CLK1: variants seen among roughly 807,000 people sequenced by gnomAD.
CLK1 encodes CDC like kinase 1.
A neutral mutation model predicts 60.9 loss-of-function variants in CLK1; 40 were observed. The ratio of observed to expected loss-of-function variants is 0.66; its 90% CI spans 0.51 to 0.86. The LOEUF is 0.86. Ranked by LOEUF, CLK1 falls within the 40% of genes least tolerant of loss-of-function variation. The pLI is 0.00. For synonymous variants in CLK1, 203 were observed against 184.4 expected, an observed-to-expected ratio of 1.10 and a Z score of -0.82; for missense variants, 563 against 606.1, an observed-to-expected ratio of 0.93 and a Z score of 0.75.
intron 12 of CLK1, 112 bp downstream of exon 12, chr2:200,853,791 G>A: frequency 1.4e-6 from 1 of 733,878 alleles, no homozygotes; most frequent in Admixed American, 3.0e-5. Context: ...AGTGAGCTGG[G>A]CCAACATCGT....
chr2:200,861,637 T>G (rs765397099), intron 2 of CLK1, 65 bp downstream of exon 2: 4 of 1,582,456 alleles, frequency 2.5e-6, no homozygotes, highest in Non-Finnish European at 3.4e-6. Context: ...GTACTTATTT[T>G]AAGTGATACT....
chr2:200,860,848 T>C (rs2039125889), intron 3 of CLK1: 1 of 1,051,450 alleles, frequency 9.5e-7, no homozygotes, highest in Non-Finnish European at 1.1e-6. Flanking sequence ...CAAAGAAGCA[T>C]ACCTAATCCT....
At chr2:200,858,806 T>C (rs139516891) in intron 5 of CLK1, among the ~76,000 whole-genome samples, 6 of 137,808 alleles carry the variant, frequency 4.4e-5, no homozygotes, top group East Asian at 2.0e-4. Flanking sequence ...GGAAGAACAA[T>C]AACAACAACA....
intron 10 of CLK1, 134 bp from the exon 11 acceptor site, chr2:200,854,829 T>C (rs1450161704): frequency 3.8e-6 from 3 of 792,704 alleles, no homozygotes; most frequent in South Asian, 1.6e-5. Flanking sequence ...ACACGGATAA[T>C]TGCTTATATA....
At chr2:200,864,326 G>A (rs1442284386) in intron 1 of CLK1, 110 of 1,420,322 alleles carry the variant, frequency 7.7e-5, no homozygotes, top group Non-Finnish European at 1.0e-4. Flanking sequence ...CTCCAAGAGG[G>A]CGGCCGGCCT....
intron 1 of CLK1, 200 bp downstream of exon 1, chr2:200,864,364 C>A (rs1361607949): frequency 8.3e-7 from 1 of 1,207,464 alleles, no homozygotes; most frequent in African/African-American, 1.6e-5. Flanking sequence ...CCCCCGCAGG[C>A]CGGATCCGGC....
At chr2:200,856,573 C>A in intron 9 of CLK1, 109 bp downstream of exon 9, 1 of 828,254 alleles carries the variant, frequency 1.2e-6, no homozygotes, top group East Asian at 2.5e-5. Flanking sequence ...GATACTTATC[C>A]CTTAAAGAGA....
In CLK1 at chr2:200,856,672, T is replaced by C; in HGVS notation, c.1057+10A>G. 6.4e-7 allele frequency: 1 copy of C among 1,564,348 alleles called. No homozygotes were observed. The highest frequency in any genetic ancestry group is 2.3e-5 in the East Asian group (1 of 44,366). On this transcript the variant is annotated intron_variant, in intron 9 of 12. Transcript: ENST00000321356. ...AATACAAAGGTTCTCAAAGGACAAT[T>C]AATACTCACCTAAAATAACTTCAGG...
intron 5 of CLK1, among the ~76,000 whole-genome samples, chr2:200,859,181 C>G (rs958239392): frequency 6.7e-6 from 1 of 149,134 alleles, no homozygotes; most frequent in Non-Finnish European, 1.5e-5. Flanking sequence ...GACTCTGTCT[C>G]GAGAAAAAAA....
At chr2:200,862,298 T>G (rs7588976) in intron 1 of CLK1, among the ~76,000 whole-genome samples, 2 of 152,094 alleles carry the variant, frequency 1.3e-5, no homozygotes, top group South Asian at 2.1e-4. Flanking sequence ...CAACTGAAGA[T>G]CCACAAAAAA....
At chr2:200,860,959 T>C in intron 3 of CLK1, 2 of 1,192,012 alleles carry the variant, frequency 1.7e-6, no homozygotes, top group Non-Finnish European at 2.1e-6. Flanking sequence ...TTTTAGAATA[T>C]TTTGTAATAA....
rs1278410479 is a variant in CLK1, at chr2:200,859,731, G to C, written c.497C>G (p.Thr166Ser). 1.9e-6 allele frequency: 3 copies of C among 1,613,234 alleles called. No individual in the cohort carries two copies. Among genetic ancestry groups the C allele is most frequent in the Non-Finnish European group, 2.5e-6 (3 of 1,179,644 alleles). The stretch of plus-strand genomic sequence containing the variant: ...TTTTCCAAAAGCTCCTTCACCTAAA[G>C]TATCAACAATTTCATCTAAAAGAGA... ...VLSARYEIVDTLGEGAFGKVV... is the reference protein window; with the variant it reads ...VLSARYEIVDSLGEGAFGKVV... Residue 166 changes from threonine (T) to serine (S), a missense_variant, in exon 5 of 13, where the codon ACT becomes AGT. Coordinates refer to ENST00000321356, the MANE Select transcript of CLK1 (RefSeq NM_004071.4).
chr2:200,864,159 T>C (rs570134432), intron 1 of CLK1: 1 of 1,550,872 alleles, frequency 6.4e-7, no homozygotes, highest in Non-Finnish European at 8.7e-7. Flanking sequence ...CCCCAGCAAA[T>C]CCCCCCTCAA....
intron 3 of CLK1, chr2:200,860,466 C>T: frequency 8.2e-7 from 1 of 1,224,452 alleles, no homozygotes. Flanking sequence ...AGTGGCAAGG[C>T]AACAAAACAT....
intron 4 of CLK1, 56 bp from the exon 5 acceptor site, chr2:200,859,802 C>A (rs930697295): frequency 1.9e-6 from 3 of 1,602,000 alleles, no homozygotes; most frequent in African/African-American, 2.7e-5. Flanking sequence ...ATGTACTTAT[C>A]ACAATAAATG....
Position 200,853,053 on chromosome 2 carries a change from A to C in CLK1, c.*253T>G. The C allele has an allele frequency of 3.5e-6, 1 of 289,432 alleles. No homozygotes were observed. The allele number at this position is 289,432 out of a possible 1,614,324, so 17.9% of individuals were successfully genotyped here. A position where few individuals can be genotyped will look rare whatever the true frequency, so the allele number is the denominator to read the frequency against. On this transcript the variant is annotated 3_prime_UTR_variant, in exon 13 of 13. Transcript: ENST00000321356. Reference sequence around the variant, plus strand: ...AGAAGTAGGAAGAAAAATGGTACTTAGAACAAACTGTTCAGATACATATCA... The same window carrying C: ...AGAAGTAGGAAGAAAAATGGTACTTCGAACAAACTGTTCAGATACATATCA...
At position 200,860,011 on chromosome 2, in the gene CLK1, TAAAACA is replaced by T. The variant is rs899887195; in HGVS notation, c.481+108_481+113del. On this transcript the variant is annotated intron_variant, in intron 4 of 12. Coordinates refer to ENST00000321356, the MANE Select transcript of CLK1 (RefSeq NM_004071.4). ...CCCCCCACCAAAAGAAATGGAAAAA[TAAAACA>T]AAAACAAAAAAGAGAAAGAAAAAAA... 7.5e-6 allele frequency: 11 copies of T among 1,465,380 alleles called. No homozygotes were observed. In the African/African-American group the frequency reaches 1.0e-4, roughly 13 times the overall value. The allele number at this position is 1,465,380 out of a possible 1,614,324, so 90.8% of individuals were successfully genotyped here. A position where few individuals can be genotyped will look rare whatever the true frequency, so the allele number is the denominator to read the frequency against.
At chr2:200,858,179 C>A in intron 5 of CLK1, 90 bp from the exon 6 acceptor site, 1 of 858,436 alleles carries the variant, frequency 1.2e-6, no homozygotes, top group Non-Finnish European at 2.0e-6. Context: ...ACTACTCTGA[C>A]CCACTGTATT....
chr2:200,863,178 G>A (rs2039169637), intron 1 of CLK1: 1 of 152,112 alleles, frequency 6.6e-6, no homozygotes, highest in Admixed American at 6.6e-5. Flanking sequence ...TTAGCGGTAG[G>A]GGTTGTATAC....
Sources: allele counts gnomAD v4.1 joint callset (sites outside exome capture counted in the v4.1 genomes callset), GRCh38; gene constraint gnomAD v4.1.1; transcripts MANE v1.5; gene names NCBI Gene and HGNC (gene_info 2026-07-23, HGNC 2026-07-21).